Variants in FSIP1 observed in about 807,000 individuals in gnomAD.
FSIP1 encodes fibrous sheath interacting protein 1, also known as fibrous sheath-interacting protein 1.
Under a neutral mutation model 60.9 loss-of-function variants are expected in FSIP1, and 65 were observed. The ratio of observed to expected loss-of-function variants is 1.07; its 90% CI spans 0.87 to 1.31. FSIP1 has a LOEUF of 1.31. Among genes scored for constraint, FSIP1 ranks in the 40% most tolerant of loss-of-function variants. The pLI is 0.00. For missense variants in FSIP1, 675 were observed against 665.5 expected (o/e 1.01, Z -0.16); for synonymous variants, 209 against 221.2 (o/e 0.94, Z 0.49).
chr15:39,724,725 T>C (rs1896121615), intron 9 of FSIP1, among the ~76,000 whole-genome samples: 1 of 152,194 alleles, frequency 6.6e-6, no homozygotes, highest in South Asian at 2.1e-4. Flanking sequence ...AGACTTCACT[T>C]CATTTGACAG....
chr15:39,733,822 T>G (rs1896507554), intron 8 of FSIP1, among the ~76,000 whole-genome samples: 1 of 151,940 alleles, frequency 6.6e-6, no homozygotes, highest in African/African-American at 2.4e-5. Context: ...AAAGACAAAA[T>G]CCGCATAGGA....
chr15:39,749,303 A>G (rs1360649203), intron 5 of FSIP1, among the ~76,000 whole-genome samples: 1 of 146,878 alleles, frequency 6.8e-6, no homozygotes, highest in African/African-American at 2.6e-5. Flanking sequence ...ACTTTCTAAC[A>G]TATTTTATGA....
At chr15:39,650,389 C>G (rs1476414930) in intron 10 of FSIP1, among the ~76,000 whole-genome samples, 1 of 152,184 alleles carries the variant, frequency 6.6e-6, no homozygotes, top group Non-Finnish European at 1.5e-5. Context: ...ATGGTATCAT[C>G]CTGTTACTTC....
chr15:39,645,049 T>C (rs1177187454), intron 10 of FSIP1, among the ~76,000 whole-genome samples: 2 of 152,312 alleles, frequency 1.3e-5, no homozygotes, highest in East Asian at 3.9e-4. Flanking sequence ...TCAAAATCAC[T>C]AATTATTAGA....
At chr15:39,721,335 A>G (rs7170483) in intron 9 of FSIP1, among the ~76,000 whole-genome samples, 18,090 of 152,250 alleles carry the variant, frequency 0.12, 1,311 homozygotes, top group African/African-American at 0.2. Flanking sequence ...CTTGACCAAC[A>G]AAGATAAATC....
chr15:39,648,021 G>A (rs563909950), intron 10 of FSIP1, among the ~76,000 whole-genome samples: 243 of 151,902 alleles, frequency 1.6e-3, no homozygotes, highest in Non-Finnish European at 2.7e-3. Flanking sequence ...ACTGTGGTGG[G>A]GTGGGGGGAG....
At chr15:39,649,105 T>C (rs1031755114) in intron 10 of FSIP1, among the ~76,000 whole-genome samples, 1 of 152,214 alleles carries the variant, frequency 6.6e-6, no homozygotes, top group African/African-American at 2.4e-5. Flanking sequence ...CACATTTGAC[T>C]GGACACGATT....
At chr15:39,740,034 T>C (rs1353512671) in intron 6 of FSIP1, among the ~76,000 whole-genome samples, 1 of 152,208 alleles carries the variant, frequency 6.6e-6, no homozygotes, top group Non-Finnish European at 1.5e-5. Flanking sequence ...TGTATCAAAC[T>C]TCTTCCTGTT....
At chr15:39,651,655 G>C (rs1294661280) in intron 10 of FSIP1, among the ~76,000 whole-genome samples, 1 of 152,190 alleles carries the variant, frequency 6.6e-6, no homozygotes, top group African/African-American at 2.4e-5. Flanking sequence ...TATGGTTGTT[G>C]TTACTATGAT....
chr15:39,774,423 G>A (rs1443836209), intron 2 of FSIP1, among the ~76,000 whole-genome samples: 3 of 151,534 alleles, frequency 2.0e-5, no homozygotes, highest in Non-Finnish European at 4.4e-5. Flanking sequence ...AGAGGTTGTA[G>A]TGAGCCAAGA....
At chr15:39,631,266 G>A (rs1034736573) in intron 10 of FSIP1, among the ~76,000 whole-genome samples, 4 of 152,170 alleles carry the variant, frequency 2.6e-5, no homozygotes, top group African/African-American at 9.7e-5. Context: ...CCCATCCTAG[G>A]CCCAACTCCT....
At chr15:39,662,295 A>T (rs1893327534) in intron 10 of FSIP1, among the ~76,000 whole-genome samples, 1 of 152,096 alleles carries the variant, frequency 6.6e-6, no homozygotes, top group Admixed American at 6.5e-5. Context: ...CCATACCTAA[A>T]ATAAATGTAA....
At chr15:39,720,371 A>T (rs1895904639) in intron 9 of FSIP1, among the ~76,000 whole-genome samples, 2 of 152,230 alleles carry the variant, frequency 1.3e-5, no homozygotes, top group South Asian at 2.1e-4. Context: ...GTACAATTGA[A>T]TCAATATTTC....
Position 39,749,486 on chromosome 15 carries a change from C to A in FSIP1, c.560-7586G>T, listed in dbSNP as rs2140666030. 2.0e-5 allele frequency among the ~76,000 whole-genome samples: 3 copies of A among 152,066 alleles called. No individual in the cohort carries two copies. In the Middle Eastern group the frequency reaches 0.01, roughly 517 times the overall value. ...CACATCATGATCAAGTGGGATTTAT[C>A]CCTGGCAGGTAAGGGTGGTTTAACT... On this transcript the variant is annotated intron_variant, in intron 5 of 11. Transcript: ENST00000350221.
At chr15:39,760,090 G>A (rs1897442515) in intron 5 of FSIP1, among the ~76,000 whole-genome samples, 2 of 152,026 alleles carry the variant, frequency 1.3e-5, no homozygotes, top group South Asian at 2.1e-4. Flanking sequence ...GAAAAACTAA[G>A]GGAATAATCT....
chr15:39,772,315 C>A (rs1033737182), intron 2 of FSIP1, among the ~76,000 whole-genome samples: 2 of 152,118 alleles, frequency 1.3e-5, no homozygotes, highest in Non-Finnish European at 2.9e-5. Context: ...TACATTTGGA[C>A]AGGGTCTCAC....
At chr15:39,726,812 A>T in intron 8 of FSIP1, 65 bp from the exon 9 acceptor site, 1 of 1,374,758 alleles carries the variant, frequency 7.3e-7, no homozygotes, top group Non-Finnish European at 1.0e-6. Flanking sequence ...ATACCTTTCA[A>T]GTGGCTATAA....
intron 10 of FSIP1, among the ~76,000 whole-genome samples, chr15:39,624,196 T>C (rs1437655367): frequency 6.6e-6 from 1 of 152,116 alleles, no homozygotes; most frequent in African/African-American, 2.4e-5. Flanking sequence ...CAAGAAGGTA[T>C]CAACAGAACA....
rs1019853300 is a variant in FSIP1 at position 39,741,974 on chromosome 15, A to T, written c.560-74T>A. The T allele has an allele frequency of 1.2e-5, 10 of 812,704 alleles. No homozygotes were observed. In the African/African-American group the frequency reaches 1.7e-4, roughly 14 times the overall value. The allele number at this position is 812,704 out of a possible 1,614,324, so 50.3% of individuals were successfully genotyped here. The stretch of plus-strand genomic sequence containing the variant: ...TAGTTGTCTACAAAATTGTTTTAAA[A>T]AGATAACATTTAATATTCTCTCCAG... On this transcript the variant is annotated intron_variant, in intron 5 of 11. Transcript: ENST00000350221.
Sources: allele counts gnomAD v4.1 joint callset (sites outside exome capture counted in the v4.1 genomes callset), GRCh38; gene constraint gnomAD v4.1.1; transcripts MANE v1.5; gene names NCBI Gene and HGNC (gene_info 2026-07-23, HGNC 2026-07-21).